POLN: variants seen among roughly 807,000 people sequenced by gnomAD.
POLN encodes DNA polymerase nu, also known as DNA polymerase N.
In POLN, 108 loss-of-function variants were observed where a neutral mutation model predicts 113.5. The observed-to-expected ratio is 0.95, with a 90% CI of 0.81 to 1.12. The LOEUF (loss-of-function observed/expected upper bound fraction) is 1.12, where lower values mean the gene tolerates loss of function less well. Among genes scored for constraint, POLN ranks in the 50% most tolerant of loss-of-function variants. The pLI is 0.00. For synonymous variants in POLN, 386 were observed against 391.5 expected, an observed-to-expected ratio of 0.99 and a Z score of 0.17; for missense variants, 1,097 against 1,077.1, an observed-to-expected ratio of 1.02 and a Z score of -0.26.
chr4:2,096,785 G>T (rs992054698), intron 19 of POLN, among the ~76,000 whole-genome samples: 2 of 150,236 alleles, frequency 1.3e-5, no homozygotes, highest in African/African-American at 4.9e-5. Context: ...CTGTTTTGTG[G>T]ATGGCTTTGT....
Position 2,156,827 on chromosome 4 carries a change from C to A in POLN, c.1692G>T (p.Gln564His). Residue 564 changes from glutamine to histidine, a missense_variant, in exon 16 of 26, where the codon CAG becomes CAT. By Grantham distance (24) the Gln-to-His change is conservative. Transcript: ENST00000511885. ...KKGSISSTWN[Q>H]TGTVTGRLSA... ...AAAGTCTTCCAGTCACAGTTCCAGT[C>A]TGATTCCATGTAGAGGAAATGGAGC... The A allele has an allele frequency of 1.9e-6, 3 of 1,613,124 alleles. No homozygotes were observed. Among genetic ancestry groups the A allele is most frequent in the Non-Finnish European group, 2.5e-6 (3 of 1,179,074 alleles).
intron 7 of POLN, among the ~76,000 whole-genome samples, chr4:2,191,754 T>G (rs1477681036): frequency 6.6e-6 from 1 of 152,208 alleles, no homozygotes; most frequent in Non-Finnish European, 1.5e-5. Flanking sequence ...TTGAAATATT[T>G]AGAGATGAAT....
rs77733071 is a variant in POLN at position 2,133,979 on chromosome 4, C to A, written c.1732-2689G>T. Among the ~76,000 whole-genome samples the A allele has an allele frequency of 7.9e-5, 12 of 152,326 alleles. No individual in the cohort carries two copies. In the East Asian group the frequency reaches 1.3e-3, roughly 17 times the overall value. The stretch of plus-strand genomic sequence containing the variant: ...TACAAAATAGTTTTACCGCCCTAAA[C>A]GATCCCCGGAGCTTTACTTATCCAA... On this transcript the variant is annotated intron_variant, in intron 16 of 25. Coordinates refer to ENST00000511885, the MANE Select transcript of POLN (RefSeq NM_181808.4).
chr4:2,213,232 A>G (rs1734035339), intron 3 of POLN, 106 bp from the exon 4 acceptor site: 6 of 591,218 alleles, frequency 1.0e-5, no homozygotes, highest in Non-Finnish European at 1.4e-5. Context: ...ATGCTTATTT[A>G]TTCATTATTA....
chr4:2,190,162 A>C (rs1560088061), intron 7 of POLN, among the ~76,000 whole-genome samples: 1 of 152,178 alleles, frequency 6.6e-6, no homozygotes, highest in African/African-American at 2.4e-5. Flanking sequence ...TTCAAATTAT[A>C]CTACAAAGCT....
At chr4:2,219,606 C>T (rs971917715) in intron 3 of POLN, among the ~76,000 whole-genome samples, 2 of 152,102 alleles carry the variant, frequency 1.3e-5, no homozygotes, top group Non-Finnish European at 2.9e-5. Context: ...TCAGTGAAGC[C>T]GATGCTCCCC....
At chr4:2,184,570 TA>T (rs59914847) in intron 7 of POLN, among the ~76,000 whole-genome samples, 37,452 of 151,474 alleles carry the variant, frequency 0.25, 7,134 homozygotes, top group African/African-American at 0.52. Context: ...TATTTTATCT[TA>T]AAAAAAAATA....
At chr4:2,176,043 T>A (rs138605892) in intron 9 of POLN, among the ~76,000 whole-genome samples, 1 of 152,348 alleles carries the variant, frequency 6.6e-6, no homozygotes, top group East Asian at 1.9e-4. Flanking sequence ...AAAAAGAGGC[T>A]TTAAAAAATA....
chr4:2,147,632 G>GTTTTTTTTTTTTTTTTTTTTTTT (rs1047968546), intron 16 of POLN, among the ~76,000 whole-genome samples: 1 of 56,382 alleles, frequency 1.8e-5, no homozygotes. Context: ...CAGACATCCA[G>GTTTTTTTTTTTTTTTTTTTTTTT]TTTTTCTTTT....
chr4:2,220,506 C>A (rs1390249254), intron 3 of POLN, among the ~76,000 whole-genome samples: 1 of 152,222 alleles, frequency 6.6e-6, no homozygotes, highest in Non-Finnish European at 1.5e-5. Context: ...TTCTTGGCCA[C>A]CCAGTGGGCT....
At chr4:2,202,595 G>C (rs1266871011) in intron 5 of POLN, among the ~76,000 whole-genome samples, 1 of 151,818 alleles carries the variant, frequency 6.6e-6, no homozygotes, top group Non-Finnish European at 1.5e-5. Context: ...GTGGTGGCTT[G>C]CTCCTATAGT....
At chr4:2,197,181 T>G (rs1369329972) in intron 6 of POLN, among the ~76,000 whole-genome samples, 1 of 152,178 alleles carries the variant, frequency 6.6e-6, no homozygotes, top group Non-Finnish European at 1.5e-5. Flanking sequence ...AGTGATGTGA[T>G]CTGATTTATG....
At chr4:2,201,298 A>AAAAAAC (rs1733708433) in intron 5 of POLN, among the ~76,000 whole-genome samples, 1 of 148,248 alleles carries the variant, frequency 6.7e-6, no homozygotes, top group Admixed American at 6.7e-5. Context: ...AAAAAAAAAA[A>AAAAAAC]AAAAACGAGG....
intron 8 of POLN, among the ~76,000 whole-genome samples, chr4:2,178,973 C>T (rs962460567): frequency 1.1e-4 from 16 of 152,094 alleles, no homozygotes; most frequent in Admixed American, 3.3e-4. Flanking sequence ...CATCCCAGGA[C>T]CTCTGGCACT....
chr4:2,136,457 T>C (rs574815750), intron 16 of POLN, among the ~76,000 whole-genome samples: 72 of 152,200 alleles, frequency 4.7e-4, no homozygotes, highest in Non-Finnish European at 4.7e-4. Flanking sequence ...GTGCCAGCCA[T>C]GTGGATGGGG....
chr4:2,190,614 T>C (rs1282568745), intron 7 of POLN, among the ~76,000 whole-genome samples: 1 of 152,028 alleles, frequency 6.6e-6, no homozygotes, highest in African/African-American at 2.4e-5. Flanking sequence ...AAGAAAATAT[T>C]TGCAAACTAT....
intron 9 of POLN, among the ~76,000 whole-genome samples, chr4:2,175,688 C>T (rs913386406): frequency 6.6e-6 from 1 of 152,240 alleles, no homozygotes; most frequent in Non-Finnish European, 1.5e-5. Context: ...CCTGCCCCTC[C>T]AGACCCATTC....
intron 13 of POLN, among the ~76,000 whole-genome samples, chr4:2,163,690 C>T (rs574837236): frequency 1.5e-4 from 23 of 152,372 alleles, no homozygotes; most frequent in African/African-American, 5.5e-4. Context: ...CTAGGCTCCC[C>T]CGCCCAATTC....
At chr4:2,087,542 T>C (rs1221087142) in intron 20 of POLN, among the ~76,000 whole-genome samples, 4 of 152,248 alleles carry the variant, frequency 2.6e-5, no homozygotes, top group African/African-American at 9.6e-5. Context: ...AGTTTTCAGT[T>C]CTAGAAATTC....
Sources: gnomAD v4.1 joint callset for allele counts (sites outside exome capture counted in the v4.1 genomes callset) on GRCh38, gnomAD v4.1.1 for gene constraint, MANE v1.5 for transcripts, NCBI Gene and HGNC (gene_info 2026-07-23, HGNC 2026-07-21) for gene names.